The following EIF2AK1 variants were observed in gnomAD, a reference collection of about 807,000 sequenced individuals.
EIF2AK1 encodes the protein eukaryotic translation initiation factor 2-alpha kinase 1.
Under a neutral mutation model 77.9 loss-of-function variants are expected in EIF2AK1, and 54 were observed. That is an observed-to-expected ratio of 0.69 (90% CI 0.56 to 0.87). EIF2AK1 has a LOEUF of 0.87. Ranked by LOEUF, EIF2AK1 falls within the 40% of genes least tolerant of loss-of-function variation. The probability of loss-of-function intolerance (pLI) is 0.00; values close to 1 mark genes in which losing one functional copy is unlikely to be tolerated. For synonymous variants in EIF2AK1, 314 were observed against 290.5 expected, an observed-to-expected ratio of 1.08 and a Z score of -0.82; for missense variants, 810 against 768.6, an observed-to-expected ratio of 1.05 and a Z score of -0.64.
rs1231436548 is a variant in EIF2AK1 at position 6,024,157 on chromosome 7, C to G, written c.*516G>C. 1 of 1,287,044 alleles carries G rather than the reference C, an allele frequency of 7.8e-7. No individual in the cohort carries two copies. Among genetic ancestry groups the G allele is most frequent in the Non-Finnish European group, 1.0e-6 (1 of 987,720 alleles). The allele number at this position is 1,287,044 out of a possible 1,614,324, so 79.7% of individuals were successfully genotyped here. A position where few individuals can be genotyped will look rare whatever the true frequency, so the allele number is the denominator to read the frequency against. On this transcript the variant is annotated 3_prime_UTR_variant, in exon 15 of 15. Transcript: ENST00000199389. ...AGATAAAAAGGTTGGAAGTTGCACA[C>G]TGTACACTGTTAAGAAGTTGAGCTT...
In EIF2AK1 at chr7:6,054,510, A is replaced by G. The variant is rs374997874; in HGVS notation, c.277+36T>C. On this transcript the variant is annotated intron_variant, in intron 2 of 14. Transcript: ENST00000199389. ...TGAACCACGGAGCCCAGCCTTTACAAGCTTTATTTAGCAAGATTCATTTAT... is the reference window on the plus strand; with the variant it reads ...TGAACCACGGAGCCCAGCCTTTACAGGCTTTATTTAGCAAGATTCATTTAT... The G allele has an allele frequency of 8.0e-5, 129 of 1,609,472 alleles. 1 individual carries two copies. The highest frequency in any genetic ancestry group is 6.6e-4 in the Middle Eastern group (4 of 6,052).
rs141672912 is a variant in EIF2AK1, at chr7:6,035,397, G to A, written c.1332+2027C>T. On this transcript the variant is annotated intron_variant, in intron 11 of 14. Transcript: ENST00000199389. The surrounding 1 kb of genome is among the most constrained non-coding windows in gnomAD (Gnocchi z 5.5). Reference sequence around the variant, plus strand: ...AAGCATTAACTGTCCACGTAGAGCCGTTCCCACTGTGAATTCAGTGTAACG... The same window carrying A: ...AAGCATTAACTGTCCACGTAGAGCCATTCCCACTGTGAATTCAGTGTAACG... The A allele has an allele frequency of 5.9e-5, 88 of 1,500,658 alleles. No individual in the cohort carries two copies. The highest frequency in any genetic ancestry group is 1.5e-4 in the East Asian group (6 of 40,380). 93.0% of individuals were successfully genotyped at this position (1,500,658 alleles called of 1,614,324 possible). A position where few individuals can be genotyped will look rare whatever the true frequency, so the allele number is the denominator to read the frequency against.
intron 6 of EIF2AK1, 90 bp from the exon 7 acceptor site, chr7:6,044,751 G>A: frequency 9.3e-7 from 1 of 1,070,190 alleles, no homozygotes; most frequent in Admixed American, 2.2e-5. Flanking sequence ...AAATACAGAT[G>A]GCCCCTGACT....
intron 9 of EIF2AK1, among the ~76,000 whole-genome samples, chr7:6,040,348 C>T (rs984388571): frequency 6.6e-6 from 1 of 152,106 alleles, no homozygotes; most frequent in Non-Finnish European, 1.5e-5. Context: ...CCACCACACC[C>T]GGCCTAATGT....
At chr7:6,040,036 A>C (rs759975175) in intron 9 of EIF2AK1, among the ~76,000 whole-genome samples, 2 of 152,162 alleles carry the variant, frequency 1.3e-5, no homozygotes, top group African/African-American at 2.4e-5. Context: ...TAATCTTAAC[A>C]AGACAGATTA....
chr7:6,029,590 AG>A (rs1435653546), intron 11 of EIF2AK1, among the ~76,000 whole-genome samples: 2 of 152,168 alleles, frequency 1.3e-5, no homozygotes, highest in African/African-American at 4.8e-5. Context: ...AAAAGTCCCA[AG>A]GCTATTCTAA....
Position 6,048,846 on chromosome 7 carries a change from T to A in EIF2AK1, c.412-2A>T. 6.3e-7 allele frequency: 1 copy of A among 1,576,844 alleles called. No individual in the cohort carries two copies. Among genetic ancestry groups the A allele is most frequent in the Non-Finnish European group, 8.6e-7 (1 of 1,168,280 alleles). On this transcript the variant is annotated splice_acceptor_variant, in intron 3 of 14. Coordinates refer to ENST00000199389, the MANE Select transcript of EIF2AK1 (RefSeq NM_014413.4). LOFTEE classifies it high-confidence loss of function. ...ACGAGAAATATCCTCACAAGGATCC[T>A]ACAATTAAAAAATTGTTTTTAAAAA...
rs368350259 is a variant in EIF2AK1 at position 6,038,550 on chromosome 7, T to G, written c.1231+10A>C. ...TATTTCCCGGCCCGGCAGACCCAGA[T>G]GGTACTCACAGGCAGACTCGTCCAC... On this transcript the variant is annotated intron_variant, in intron 10 of 14. Coordinates refer to ENST00000199389, the MANE Select transcript of EIF2AK1 (RefSeq NM_014413.4). 2.2e-5 allele frequency: 36 copies of G among 1,604,450 alleles called. No individual in the cohort carries two copies. The highest frequency in any genetic ancestry group is 6.8e-5 in the Admixed American group (4 of 59,054).
Position 6,036,269 on chromosome 7 carries a change from C to T in EIF2AK1, c.1332+1155G>A. On this transcript the variant is annotated intron_variant, in intron 11 of 14. Coordinates refer to ENST00000199389, the MANE Select transcript of EIF2AK1 (RefSeq NM_014413.4). This position sits in a 1 kb window ranked among gnomAD's most constrained non-coding sequence, Gnocchi z 4.6. ...AACCTTTATCCCTACAGGGTATCTGCAAAAGAAACATCAGGAATATTTATG... is the reference window on the plus strand; with the variant it reads ...AACCTTTATCCCTACAGGGTATCTGTAAAAGAAACATCAGGAATATTTATG... 1 of 1,549,834 alleles carries T rather than the reference C, an allele frequency of 6.5e-7. No homozygotes were observed. Among genetic ancestry groups the T allele is most frequent in the South Asian group, 1.2e-5 (1 of 83,996 alleles).
intron 2 of EIF2AK1, among the ~76,000 whole-genome samples, chr7:6,052,080 G>A (rs1211780229): frequency 1.3e-5 from 2 of 149,232 alleles, no homozygotes; most frequent in African/African-American, 4.9e-5. Flanking sequence ...GCTGAGGCAA[G>A]AGAATCGCTT....
rs1173141543 is a variant in EIF2AK1, at chr7:6,054,677, A to C, written c.146T>G (p.Val49Gly). The change falls in exon 2 of 15, where the codon GTG (valine) becomes GGG (glycine). Residue 49 changes from valine (V) to glycine (G), a missense_variant. Physicochemically the swap from Val to Gly is moderately radical, Grantham distance 109 (BLOSUM62 -3). Transcript: ENST00000199389. ...TGGCTGTTGTAGGGGTTCTTTTAACACCTGGATTTCTGCTGGAACATCAGA... is the reference window on the plus strand; with the variant it reads ...TGGCTGTTGTAGGGGTTCTTTTAACCCCTGGATTTCTGCTGGAACATCAGA... ...DESDVPAEIQVLKEPLQQPTF... is the reference protein window; with the variant it reads ...DESDVPAEIQGLKEPLQQPTF... The C allele has an allele frequency of 6.2e-7, 1 of 1,614,046 alleles. No individual in the cohort carries two copies. Among genetic ancestry groups the C allele is most frequent in the Non-Finnish European group, 8.5e-7 (1 of 1,179,980 alleles).
intron 3 of EIF2AK1, among the ~76,000 whole-genome samples, chr7:6,049,544 AAACG>A (rs1473904308): frequency 1.3e-5 from 2 of 152,100 alleles, no homozygotes; most frequent in Non-Finnish European, 1.5e-5. Flanking sequence ...CTCTGTCTCA[AAACG>A]AAACAAAACA....
intron 11 of EIF2AK1, among the ~76,000 whole-genome samples, chr7:6,030,545 C>A (rs1787879317): frequency 6.6e-6 from 1 of 152,176 alleles, no homozygotes; most frequent in South Asian, 2.1e-4. Context: ...TGTCGCCAGG[C>A]TGGAGTGCAG....
rs1788045090 is a variant in EIF2AK1 at position 6,035,300 on chromosome 7, C to A, written c.1332+2124G>T. 1.2e-6 allele frequency: 1 copy of A among 833,450 alleles called. No individual in the cohort carries two copies. The highest frequency in any genetic ancestry group is 1.7e-5 in the African/African-American group (1 of 58,260). 51.6% of individuals were successfully genotyped at this position (833,450 alleles called of 1,614,324 possible). A position where few individuals can be genotyped will look rare whatever the true frequency, so the allele number is the denominator to read the frequency against. On this transcript the variant is annotated intron_variant, in intron 11 of 14. Transcript: ENST00000199389. This position sits in a 1 kb window ranked among gnomAD's most constrained non-coding sequence, Gnocchi z 5.5. The stretch of plus-strand genomic sequence containing the variant: ...CCCTGGGATAGCCTGAGAAACTACC[C>A]AGCGATACAGATTTTGAAACACGTC...
At chr7:6,057,589 A>T (rs1353127513) in intron 1 of EIF2AK1, 1 of 144,868 alleles carries the variant, frequency 6.9e-6, no homozygotes, top group Non-Finnish European at 1.5e-5. Flanking sequence ...AAATTCCTGA[A>T]GCATTCCATA....
At chr7:6,039,551 G>A (rs749582516) in intron 9 of EIF2AK1, among the ~76,000 whole-genome samples, 3 of 150,218 alleles carry the variant, frequency 2.0e-5, no homozygotes. Context: ...AACCTGGGAG[G>A]CGGAGGTTGC....
At chr7:6,044,275 T>C (rs930283188) in intron 7 of EIF2AK1, among the ~76,000 whole-genome samples, 1 of 150,912 alleles carries the variant, frequency 6.6e-6, no homozygotes, top group Non-Finnish European at 1.5e-5. Flanking sequence ...CCATCCTGGC[T>C]AACACGGTGA....
chr7:6,041,321 T>C, intron 8 of EIF2AK1, 102 bp from the exon 9 acceptor site: 1 of 1,222,118 alleles, frequency 8.2e-7, no homozygotes, highest in Non-Finnish European at 1.1e-6. Flanking sequence ...GGCAGATCAC[T>C]TAAGGTCAGG....
Position 6,022,960 on chromosome 7 carries a change from C to T in EIF2AK1, c.*1713G>A. The T allele has an allele frequency of 4.0e-6, 1 of 249,864 alleles. No homozygotes were observed. The highest frequency in any genetic ancestry group is 7.7e-6 in the Non-Finnish European group (1 of 130,218). 15.5% of individuals were successfully genotyped at this position (249,864 alleles called of 1,614,324 possible). A position where few individuals can be genotyped will look rare whatever the true frequency, so the allele number is the denominator to read the frequency against. The stretch of plus-strand genomic sequence containing the variant: ...GTCTCACAGAAGGCGATTATGAGGC[C>T]AAGAGCCTGGGAGATGCAGCTCCTG... On this transcript the variant is annotated 3_prime_UTR_variant, in exon 15 of 15. Transcript: ENST00000199389.
Sources: gnomAD v4.1 joint callset for allele counts (sites outside exome capture counted in the v4.1 genomes callset) on GRCh38, gnomAD v4.1.1 for gene constraint, Gnocchi (gnomAD v3.1) non-coding constraint, MANE v1.5 for transcripts, NCBI Gene and HGNC (gene_info 2026-07-23, HGNC 2026-07-21) for gene names.